ZNF831: variants seen among roughly 807,000 people sequenced by gnomAD.
ZNF831 encodes chromosome 20 open reading frame 174.
A neutral mutation model predicts 95.8 loss-of-function variants in ZNF831; 59 were observed. That is an observed-to-expected ratio of 0.62 (90% CI 0.50 to 0.77). ZNF831 has a LOEUF of 0.77. Ranked by LOEUF, ZNF831 falls within the 30% of genes least tolerant of loss-of-function variation. The pLI, the probability that ZNF831 is intolerant of heterozygous loss-of-function variation, is 0.00. For missense variants in ZNF831, 2,205 were observed against 2,164.0 expected, an observed-to-expected ratio of 1.02 and a Z score of -0.38; for synonymous variants, 961 against 925.5, an observed-to-expected ratio of 1.04 and a Z score of -0.70.
intron 4 of ZNF831, among the ~76,000 whole-genome samples, chr20:59,218,377 C>A (rs149358435): frequency 2.6e-5 from 4 of 152,128 alleles, no homozygotes; most frequent in Non-Finnish European, 5.9e-5. Context: ...CTCTGCATGC[C>A]TGTATTAGGA....
At chr20:59,142,221 A>G (rs1979705803) in intron 1 of ZNF831, among the ~76,000 whole-genome samples, 1 of 152,180 alleles carries the variant, frequency 6.6e-6, no homozygotes, top group Non-Finnish European at 1.5e-5. Context: ...GCTATGAAGG[A>G]GCAGAGCCAT....
intron 3 of ZNF831, 107 bp downstream of exon 3, chr20:59,196,112 G>A (rs1336739546): frequency 6.9e-7 from 1 of 1,458,000 alleles, no homozygotes; most frequent in African/African-American, 1.4e-5. Context: ...CTGTTTCCTA[G>A]GGTTTAGAGC....
chr20:59,149,399 A>T (rs889308589), intron 2 of ZNF831, among the ~76,000 whole-genome samples: 7 of 152,328 alleles, frequency 4.6e-5, no homozygotes, highest in East Asian at 1.9e-4. Context: ...TCTTTGTCTA[A>T]TCTCTGTAAT....
Position 59,193,827 on chromosome 20 carries a change from C to G in ZNF831, c.2808C>G (p.Ala936=), listed in dbSNP as rs759465993. 1 of 1,613,148 alleles carries G rather than the reference C, an allele frequency of 6.2e-7. No individual in the cohort carries two copies. The highest frequency in any genetic ancestry group is 8.5e-7 in the Non-Finnish European group (1 of 1,179,548). ...PRVLSALADN[A]FSPKYLLRLP... is the part of the protein sequence containing the mutation. ...TGCTCTCTGCCCTGGCAGATAATGC[C>G]TTTTCCCCCAAGTACCTCCTCAGGT... Residue 936 remains alanine, a synonymous_variant, in exon 2 of 6, where the codon GCC becomes GCG. Coordinates refer to ENST00000371030, the MANE Select transcript of ZNF831 (RefSeq NM_178457.3).
At chr20:59,167,774 T>C (rs2146487122) in intron 1 of ZNF831, among the ~76,000 whole-genome samples, 1 of 152,290 alleles carries the variant, frequency 6.6e-6, no homozygotes, top group African/African-American at 2.4e-5. Flanking sequence ...ATCAGTTGGC[T>C]GAGGCAGGAG....
chr20:59,230,480 AC>A (rs1347898281), intron 4 of ZNF831, among the ~76,000 whole-genome samples: 14 of 151,658 alleles, frequency 9.2e-5, no homozygotes, highest in Non-Finnish European at 2.9e-5. Context: ...ACTCTGTCTC[AC>A]AAAAATAAAT....
chr20:59,231,474 T>C (rs777797016), intron 4 of ZNF831, among the ~76,000 whole-genome samples: 1 of 152,228 alleles, frequency 6.6e-6, no homozygotes, highest in African/African-American at 2.4e-5. Context: ...AGTAAAATCT[T>C]ATTCATTATT....
intron 3 of ZNF831, among the ~76,000 whole-genome samples, chr20:59,204,690 G>C (rs529606469): frequency 1.6e-3 from 245 of 152,308 alleles, no homozygotes; most frequent in African/African-American, 5.7e-3. Context: ...CCTGACAAAG[G>C]TGGCAAGGGG....
In ZNF831 at chr20:59,191,873, T is replaced by G. The variant is rs1983570910; in HGVS notation, c.854T>G (p.Met285Arg). ...DREAPWDSAP[M>R]ASPGLPAAST... Reference sequence around the variant, plus strand: ...GAGGCTCCTTGGGACTCTGCCCCCATGGCGTCACCTGGGCTCCCAGCGGCC... The same window carrying G: ...GAGGCTCCTTGGGACTCTGCCCCCAGGGCGTCACCTGGGCTCCCAGCGGCC... The change falls in exon 2 of 6, where the codon ATG (methionine) becomes AGG (arginine). Residue 285 changes from methionine (M) to arginine (R), a missense_variant. Transcript: ENST00000371030. 6.2e-7 allele frequency: 1 copy of G among 1,612,920 alleles called. No homozygotes were observed.
At chr20:59,243,812 T>C (rs548399326) in intron 4 of ZNF831, among the ~76,000 whole-genome samples, 2 of 152,352 alleles carry the variant, frequency 1.3e-5, no homozygotes, top group Non-Finnish European at 2.9e-5. Flanking sequence ...ACATCAATTA[T>C]ATCCCAAAAC....
At chr20:59,166,195 A>C (rs1457605325) in intron 1 of ZNF831, among the ~76,000 whole-genome samples, 3 of 152,178 alleles carry the variant, frequency 2.0e-5, no homozygotes, top group Admixed American at 6.5e-5. Flanking sequence ...AAATGAAAGG[A>C]AAATGGTCTG....
intron 3 of ZNF831, 36 bp from the exon 4 acceptor site, chr20:59,206,868 AG>A: frequency 6.2e-7 from 1 of 1,602,628 alleles, no homozygotes; most frequent in Admixed American, 1.7e-5. Context: ...TGTGCTCTCC[AG>A]GCTGGTTACT....
At chr20:59,132,228 T>G (rs1276036756) in intron 1 of ZNF831, among the ~76,000 whole-genome samples, 1 of 152,200 alleles carries the variant, frequency 6.6e-6, no homozygotes, top group Non-Finnish European at 1.5e-5. Flanking sequence ...ATGACTGCCT[T>G]GCATTTCAGC....
chr20:59,195,738 G>A (rs893123384), intron 2 of ZNF831, 131 bp from the exon 3 acceptor site: 45 of 1,484,846 alleles, frequency 3.0e-5, no homozygotes, highest in Middle Eastern at 2.6e-4. Context: ...GGCTCAGCCC[G>A]TTTAGCAATG....
chr20:59,128,466 G>A (rs908243500), intron 1 of ZNF831, among the ~76,000 whole-genome samples: 3 of 152,226 alleles, frequency 2.0e-5, no homozygotes, highest in Middle Eastern at 3.2e-3. Context: ...AGGAATAGGA[G>A]GAGGTGGCCA....
At chr20:59,179,181 C>T (rs376280839) in intron 1 of ZNF831, among the ~76,000 whole-genome samples, 2 of 152,162 alleles carry the variant, frequency 1.3e-5, no homozygotes, top group East Asian at 1.9e-4. Context: ...ACTGCCCGAC[C>T]GTGCCTCACA....
At chr20:59,177,220 G>A (rs1982238925) in intron 1 of ZNF831, among the ~76,000 whole-genome samples, 1 of 152,166 alleles carries the variant, frequency 6.6e-6, no homozygotes, top group African/African-American at 2.4e-5. Context: ...AATTAAGCAT[G>A]GCATCCCTAG....
chr20:59,200,903 T>C (rs1379037425), intron 3 of ZNF831, among the ~76,000 whole-genome samples: 1 of 152,178 alleles, frequency 6.6e-6, no homozygotes, highest in East Asian at 1.9e-4. Flanking sequence ...ATTTGGTTTG[T>C]TTCAGTTTGG....
rs2146772173 is a variant in ZNF831, at chr20:59,254,581, A to G, written c.4872A>G (p.Lys1624=). The G allele has an allele frequency of 1.9e-6, 3 of 1,614,114 alleles. No homozygotes were observed. Among genetic ancestry groups the G allele is most frequent in the Non-Finnish European group, 2.5e-6 (3 of 1,180,042 alleles). Residue 1624 remains lysine (K), a synonymous_variant, in exon 6 of 6, where the codon AAA becomes AAG. Transcript: ENST00000371030. This position sits in a 1 kb window ranked among gnomAD's most constrained non-coding sequence, Gnocchi z 4.5. ...KRQVSGLITR[K]DSVVPSKPEQ... ...AGGTATCTGGATTAATCACTCGGAA[A>G]GATTCTGTGGTTCCTTCTAAGCCAG...
Sources: gnomAD v4.1 joint callset for allele counts (sites outside exome capture counted in the v4.1 genomes callset) on GRCh38, gnomAD v4.1.1 for gene constraint, Gnocchi (gnomAD v3.1) non-coding constraint, MANE v1.5 for transcripts, NCBI Gene and HGNC (gene_info 2026-07-23, HGNC 2026-07-21) for gene names.